The following TPM2 variants were observed in gnomAD, a reference collection of about 807,000 sequenced individuals.
TPM2 encodes tropomyosin beta chain.
A neutral mutation model predicts 41.0 loss-of-function variants in TPM2; 26 were observed. The ratio of observed to expected loss-of-function variants is 0.63; its 90% confidence interval spans 0.46 to 0.88. The LOEUF (loss-of-function observed/expected upper bound fraction) is 0.88, where lower values mean the gene tolerates loss of function less well. Among genes scored for constraint, TPM2 ranks in the 40% least tolerant of loss-of-function variants. The pLI, the probability that TPM2 is intolerant of heterozygous loss-of-function variation, is 0.00. For synonymous variants in TPM2, 143 were observed against 139.3 expected, an observed-to-expected ratio of 1.03 and a Z score of -0.19; for missense variants, 187 against 355.2, an observed-to-expected ratio of 0.53 and a Z score of 3.81.
At chr9:35,684,832 G>GC (rs1179666362) in intron 5 of TPM2, 25 bp from the exon 6 acceptor site, 8 of 1,613,628 alleles carry the variant, frequency 5.0e-6, no homozygotes, top group Non-Finnish European at 5.9e-6. Context: ...TGGCGGGGGG[G>GC]GCAGGGTGTG....
chr9:35,684,848 A>G (rs377419522), intron 5 of TPM2, 41 bp from the exon 6 acceptor site: 6 of 1,613,464 alleles, frequency 3.7e-6, no homozygotes, highest in Non-Finnish European at 5.1e-6. Flanking sequence ...GTGTGAGGGC[A>G]CAGCGAAGCC....
At chr9:35,689,986 C>G, upstream of TPM2, 1 of 1,484,810 alleles carries the variant, frequency 6.7e-7, no homozygotes, top group Non-Finnish European at 8.9e-7. Context: ...GGCCGGCAAC[C>G]AGGACCCTCC....
Position 35,685,801 on chromosome 9 carries a change from G to C in TPM2, c.241-21C>G, listed in dbSNP as rs1212386814. The C allele has an allele frequency of 5.6e-6, 9 of 1,613,838 alleles. No homozygotes were observed. The African/African-American group carries it at 1.1e-4, about 19-fold the overall frequency. ...TCAGCCTGTGGGTCAGAGGTCAGGG[G>C]TCAAAAAGGCCTTGTTAGCCTTGGA... On this transcript the variant is annotated intron_variant, in intron 2 of 8. Transcript: ENST00000645482. The surrounding 1 kb of genome is among the most constrained non-coding windows in gnomAD (Gnocchi z 5.0).
rs1440088948 is a variant in TPM2, at chr9:35,685,907, T to C, written c.241-127A>G. 2 of 1,489,846 alleles carry C rather than the reference T, an allele frequency of 1.3e-6. No homozygotes were observed. Among genetic ancestry groups the C allele is most frequent in the Non-Finnish European group, 1.8e-6 (2 of 1,084,870 alleles). The allele number at this position is 1,489,846 out of a possible 1,614,324, so 92.3% of individuals were successfully genotyped here. A position where few individuals can be genotyped will look rare whatever the true frequency, so the allele number is the denominator to read the frequency against. On this transcript the variant is annotated intron_variant, in intron 2 of 8. Transcript: ENST00000645482. The surrounding 1 kb of genome is among the most constrained non-coding windows in gnomAD (Gnocchi z 5.0). ...CTTCCTGGTTTCTAGACATTCTATG[T>C]GATTTTTCCCCAACCAATCATCTTC...
intron 2 of TPM2, 92 bp downstream of exon 2, chr9:35,689,054 G>T: frequency 2.0e-6 from 3 of 1,465,814 alleles, no homozygotes; most frequent in Non-Finnish European, 2.9e-6. Flanking sequence ...GGACATAAGG[G>T]GATAAGGTGC....
intron 8 of TPM2, among the ~76,000 whole-genome samples, chr9:35,683,707 A>T (rs1003763543): frequency 6.6e-6 from 1 of 152,254 alleles, no homozygotes; most frequent in Non-Finnish European, 1.5e-5. Context: ...AACAATAGAA[A>T]TAGCCACAGA....
Position 35,685,396 on chromosome 9 carries a change from G to A in TPM2, c.492+38C>T, listed in dbSNP as rs946114591. ...GTGGAGAAGGACTGGGCATGTTGCA[G>A]GCTGGGCAGCGAGCAGGCAGAGGGG... On this transcript the variant is annotated intron_variant, in intron 4 of 8. Transcript: ENST00000645482. The surrounding 1 kb of genome is among the most constrained non-coding windows in gnomAD (Gnocchi z 5.0). The A allele has an allele frequency of 1.2e-6, 2 of 1,614,012 alleles. No individual in the cohort carries two copies. Among genetic ancestry groups the A allele is most frequent in the Non-Finnish European group, 1.7e-6 (2 of 1,179,964 alleles).
intron 2 of TPM2, among the ~76,000 whole-genome samples, chr9:35,688,560 C>T (rs1587964811): frequency 6.6e-6 from 1 of 152,156 alleles, no homozygotes; most frequent in Admixed American, 6.5e-5. Flanking sequence ...TCCCTCTGCC[C>T]TGTGGCCTGG....
At chr9:35,686,320 C>T in intron 2 of TPM2, 1 of 210,286 alleles carries the variant, frequency 4.8e-6, no homozygotes, top group Non-Finnish European at 9.7e-6. Context: ...GCCTCTCCTG[C>T]ACTGTGCACA....
intron 2 of TPM2, among the ~76,000 whole-genome samples, chr9:35,688,253 GC>G (rs1487670938): frequency 6.6e-6 from 1 of 152,202 alleles, no homozygotes; most frequent in Admixed American, 6.5e-5. Flanking sequence ...CCCCTGGGGG[GC>G]TGGGAACATG....
At chr9:35,688,464 G>T (rs1295227645) in intron 2 of TPM2, among the ~76,000 whole-genome samples, 1 of 152,236 alleles carries the variant, frequency 6.6e-6, no homozygotes, top group Admixed American at 6.5e-5. Flanking sequence ...GGCAGGAAGT[G>T]AAGTCTGGTT....
intron 2 of TPM2, among the ~76,000 whole-genome samples, chr9:35,688,433 C>A (rs985719086): frequency 6.6e-6 from 1 of 152,182 alleles, no homozygotes; most frequent in African/African-American, 2.4e-5. Context: ...ATTCTCCTAC[C>A]TTAAGCTGGG....
downstream of TPM2, chr9:35,682,248 G>T: frequency 7.1e-7 from 1 of 1,417,284 alleles, no homozygotes. Context: ...GTGACATATA[G>T]ACATGGAGTG....
chr9:35,684,839 T>G (rs1204150265), intron 5 of TPM2, 32 bp from the exon 6 acceptor site: 1 of 1,610,538 alleles, frequency 6.2e-7, no homozygotes, highest in Non-Finnish European at 8.5e-7. Context: ...GGGGGCAGGG[T>G]GTGAGGGCAC....
rs577893044 is a variant in TPM2, at chr9:35,683,080, C to T, written c.*79G>A. 3 of 1,551,596 alleles carry T rather than the reference C, an allele frequency of 1.9e-6. No homozygotes were observed. Among genetic ancestry groups the T allele is most frequent in the Non-Finnish European group, 2.6e-6 (3 of 1,146,980 alleles). On this transcript the variant is annotated 3_prime_UTR_variant, in exon 9 of 9. Coordinates refer to ENST00000645482, the MANE Select transcript of TPM2 (RefSeq NM_003289.4). ...TGCAATGTTGGCAATTTCTGCTCCT[C>T]CTGCCTGCTCCCCTCCCCATAGAGA...
intron 2 of TPM2, among the ~76,000 whole-genome samples, chr9:35,687,968 G>C (rs1413523407): frequency 2.0e-5 from 3 of 152,132 alleles, no homozygotes; most frequent in Non-Finnish European, 4.4e-5. Context: ...GTTGAGTGCT[G>C]TGTTCAAGGT....
At chr9:35,682,907 G>A (rs1007621643), downstream of TPM2, 140 of 1,489,018 alleles carry the variant, frequency 9.4e-5, no homozygotes, top group Non-Finnish European at 1.2e-4. Flanking sequence ...GGTGCTCTCT[G>A]GAGGGCAGGA....
chr9:35,682,549 T>C, downstream of TPM2: 1 of 1,244,476 alleles, frequency 8.0e-7, no homozygotes, highest in Non-Finnish European at 1.0e-6. Context: ...AAGCCCCATG[T>C]TGCTGATATC....
chr9:35,682,021 A>G (rs759413504), downstream of TPM2: 26 of 1,561,724 alleles, frequency 1.7e-5, no homozygotes, highest in Non-Finnish European at 2.1e-5. Flanking sequence ...AGAGGCTAGT[A>G]ACATCAGTTT....
Sources: allele counts gnomAD v4.1 joint callset (sites outside exome capture counted in the v4.1 genomes callset), GRCh38; gene constraint gnomAD v4.1.1; non-coding constraint Gnocchi (gnomAD v3.1); transcripts MANE v1.5; gene names NCBI Gene and HGNC (gene_info 2026-07-23, HGNC 2026-07-21).